Variants in PBX1 observed in about 807,000 individuals in gnomAD.
PBX1 encodes pre-B-cell leukemia transcription factor 1.
A neutral mutation model predicts 53.4 loss-of-function variants in PBX1; 6 were observed. That is an observed-to-expected ratio of 0.11 (90% CI 0.06 to 0.22). The LOEUF (loss-of-function observed/expected upper bound fraction) is 0.22. Among genes scored for constraint, PBX1 ranks in the 10% least tolerant of loss-of-function variants. The pLI, the probability that PBX1 is intolerant of heterozygous loss-of-function variation, is 1.00. For synonymous variants in PBX1, 204 were observed against 212.3 expected, an observed-to-expected ratio of 0.96 and a Z score of 0.34; for missense variants, 251 against 551.4, an observed-to-expected ratio of 0.46 and a Z score of 5.46.
At chr1:164,698,567 C>G (rs143347670) in intron 2 of PBX1, among the ~76,000 whole-genome samples, 1 of 152,028 alleles carries the variant, frequency 6.6e-6, no homozygotes, top group Non-Finnish European at 1.5e-5. Flanking sequence ...GCCAGCCTCC[C>G]GCATCTGAAG....
chr1:164,705,903 A>G (rs1318553627), intron 2 of PBX1, among the ~76,000 whole-genome samples: 2 of 152,228 alleles, frequency 1.3e-5, no homozygotes, highest in Non-Finnish European at 2.9e-5. Context: ...TCAAGTACCT[A>G]TGTGTGAATG....
intron 2 of PBX1, among the ~76,000 whole-genome samples, chr1:164,591,023 T>G (rs1392460701): frequency 2.0e-5 from 3 of 151,134 alleles, no homozygotes; most frequent in Non-Finnish European, 4.4e-5. Context: ...TTTTTTTTTT[T>G]TTTTTTTGAG....
At chr1:164,789,296 A>G (rs1218121511) in intron 2 of PBX1, among the ~76,000 whole-genome samples, 1 of 152,206 alleles carries the variant, frequency 6.6e-6, no homozygotes, top group East Asian at 1.9e-4. Context: ...ACTATTTTAA[A>G]AAGATGGTGT....
intron 5 of PBX1, 131 bp downstream of exon 5, chr1:164,807,808 A>C: frequency 2.0e-5 from 21 of 1,069,298 alleles, no homozygotes; most frequent in East Asian, 4.9e-5. Flanking sequence ...TTAAAATATC[A>C]AGGTAAGCAC....
intron 8 of PBX1, among the ~76,000 whole-genome samples, chr1:164,832,410 CTTTA>C (rs1006513167): frequency 2.0e-5 from 3 of 152,052 alleles, no homozygotes; most frequent in African/African-American, 7.2e-5. Context: ...TACCCTACAC[CTTTA>C]TTGTGTCATA....
In PBX1 at chr1:164,672,394, T is replaced by G. The variant is rs548316327; in HGVS notation, c.265+109083T>G. ...TCCTTTAATGAGAATTTCTCCTAAT[T>G]ATTTCAGTGGCTGCAGCAGAGGGAC... On this transcript the variant is annotated intron_variant, in intron 2 of 8. Coordinates refer to ENST00000420696, the MANE Select transcript of PBX1 (RefSeq NM_002585.4). Among the ~76,000 whole-genome samples the G allele has an allele frequency of 4.6e-5, 7 of 152,302 alleles. No homozygotes were observed. The East Asian group carries it at 1.2e-3, about 25-fold the overall frequency.
At chr1:164,803,619 C>T (rs531005318) in intron 4 of PBX1, among the ~76,000 whole-genome samples, 20 of 152,042 alleles carry the variant, frequency 1.3e-4, no homozygotes, top group Non-Finnish European at 2.2e-4. Context: ...CTTTGGGGAA[C>T]GCAGAGGCAT....
chr1:164,788,899 C>T (rs1038724865), intron 2 of PBX1, among the ~76,000 whole-genome samples: 1 of 151,966 alleles, frequency 6.6e-6, no homozygotes, highest in Non-Finnish European at 1.5e-5. Flanking sequence ...TCTAATTGGC[C>T]ACATTTAGAA....
rs749609233 is a variant in PBX1 at position 164,792,480 on chromosome 1, G to T, written c.266-14G>T. The T allele has an allele frequency of 9.3e-6, 15 of 1,612,406 alleles. No individual in the cohort carries two copies. The Admixed American group carries it at 1.5e-4, about 16-fold the overall frequency. Reference sequence around the variant, plus strand: ...GGTTACTATTAACGCTCCCTTCCCTGTCTTTTTCTGTAGTTTTGAGTATCC... The same window carrying T: ...GGTTACTATTAACGCTCCCTTCCCTTTCTTTTTCTGTAGTTTTGAGTATCC... On this transcript the variant is annotated splice_polypyrimidine_tract_variant and intron_variant, in intron 2 of 8. Coordinates refer to ENST00000420696, the MANE Select transcript of PBX1 (RefSeq NM_002585.4).
intron 2 of PBX1, chr1:164,605,426 T>G (rs1656484260): frequency 6.6e-6 from 1 of 152,184 alleles, no homozygotes; most frequent in Non-Finnish European, 1.5e-5. Flanking sequence ...CCTGGTGAGT[T>G]TAACCTCTGT....
At chr1:164,773,398 A>G (rs530880542) in intron 2 of PBX1, among the ~76,000 whole-genome samples, 1 of 152,140 alleles carries the variant, frequency 6.6e-6, no homozygotes, top group Non-Finnish European at 1.5e-5. Context: ...CACACGGTAT[A>G]TCTTCATGTG....
chr1:164,701,066 A>G (rs546062917), intron 2 of PBX1, among the ~76,000 whole-genome samples: 1 of 152,304 alleles, frequency 6.6e-6, no homozygotes, highest in Non-Finnish European at 1.5e-5. Flanking sequence ...GTAATGAAAC[A>G]ATATATGCGT....
intron 2 of PBX1, among the ~76,000 whole-genome samples, chr1:164,754,620 A>G (rs1273491833): frequency 6.6e-6 from 1 of 152,186 alleles, no homozygotes; most frequent in Non-Finnish European, 1.5e-5. Context: ...TTTTTTCAAC[A>G]GGGTAACTAA....
At chr1:164,629,867 A>G (rs1370865346) in intron 2 of PBX1, among the ~76,000 whole-genome samples, 1 of 152,134 alleles carries the variant, frequency 6.6e-6, no homozygotes, top group Non-Finnish European at 1.5e-5. Context: ...AGTTTCTGTA[A>G]TCTGTTCTCT....
At chr1:164,786,214 A>C (rs565707161) in intron 2 of PBX1, among the ~76,000 whole-genome samples, 10 of 152,074 alleles carry the variant, frequency 6.6e-5, no homozygotes, top group African/African-American at 2.4e-4. Context: ...ATTGCTCTTA[A>C]GAAATATTGG....
chr1:164,711,362 C>A (rs184344963), intron 2 of PBX1, among the ~76,000 whole-genome samples: 1 of 152,294 alleles, frequency 6.6e-6, no homozygotes, highest in East Asian at 1.9e-4. Flanking sequence ...CTTCCAAGTT[C>A]ACGCCATTCT....
At chr1:164,757,546 G>A (rs1557988871) in intron 2 of PBX1, among the ~76,000 whole-genome samples, 1 of 152,226 alleles carries the variant, frequency 6.6e-6, no homozygotes, top group African/African-American at 2.4e-5. Context: ...GAGGTTTAAG[G>A]TGTTATCTTG....
intron 6 of PBX1, among the ~76,000 whole-genome samples, chr1:164,812,552 C>A (rs756724412): frequency 5.3e-5 from 8 of 152,164 alleles, no homozygotes; most frequent in Non-Finnish European, 7.4e-5. Flanking sequence ...GCTGTTCCAA[C>A]AACATAATGT....
Position 164,681,835 on chromosome 1 carries a change from TAA to T in PBX1, c.266-110651_266-110650del, listed in dbSNP as rs66530444. ...GCACCCCTGAACCTAAAACAAAAGT[TAA>T]AAAAAAATTAAACCCTTTTGTCCTC... On this transcript the variant is annotated intron_variant, in intron 2 of 8. Transcript: ENST00000420696. Among the ~76,000 whole-genome samples, 4 of 151,688 alleles carry T rather than the reference TAA, an allele frequency of 2.6e-5. No individual in the cohort carries two copies. The South Asian group carries it at 8.4e-4, about 32-fold the overall frequency.
Sources: gnomAD v4.1 joint callset for allele counts (sites outside exome capture counted in the v4.1 genomes callset) on GRCh38, gnomAD v4.1.1 for gene constraint, MANE v1.5 for transcripts, NCBI Gene and HGNC (gene_info 2026-07-23, HGNC 2026-07-21) for gene names.